Variants in DPYD observed in about 807,000 individuals in gnomAD.
DPYD encodes dihydropyrimidine dehydrogenase, also known as dihydropyrimidine dehydrogenase [NADP(+)].
In DPYD, 109 loss-of-function variants were observed where a neutral mutation model predicts 116.2. The ratio of observed to expected loss-of-function variants is 0.94; its 90% confidence interval spans 0.80 to 1.10. DPYD has a LOEUF of 1.10. Ranked by LOEUF, DPYD falls within the 50% of genes least tolerant of loss-of-function variation. The probability of loss-of-function intolerance (pLI) is 0.00; values close to 1 mark genes in which losing one functional copy is unlikely to be tolerated. For synonymous variants in DPYD, 440 were observed against 432.0 expected (o/e 1.02, Z -0.23); for missense variants, 1,302 against 1,254.5 (o/e 1.04, Z -0.57).
At chr1:97,322,174 T>C (rs1452194409) in intron 16 of DPYD, among the ~76,000 whole-genome samples, 1 of 147,348 alleles carries the variant, frequency 6.8e-6, no homozygotes, top group Non-Finnish European at 1.5e-5. Flanking sequence ...GCATGGCACA[T>C]GTATACATAT....
intron 21 of DPYD, among the ~76,000 whole-genome samples, chr1:97,086,599 T>A (rs1480136244): frequency 6.6e-6 from 1 of 152,204 alleles, no homozygotes; most frequent in African/African-American, 2.4e-5. Flanking sequence ...TTAGCATGTA[T>A]CATATCAGTT....
At chr1:97,599,177 T>G (rs1418935553) in intron 8 of DPYD, among the ~76,000 whole-genome samples, 1 of 152,236 alleles carries the variant, frequency 6.6e-6, no homozygotes, top group African/African-American at 2.4e-5. Context: ...CTTTCTGAAA[T>G]GTTTTCCTTC....
At chr1:97,882,034 T>C (rs551599119) in intron 2 of DPYD, among the ~76,000 whole-genome samples, 1 of 151,666 alleles carries the variant, frequency 6.6e-6, no homozygotes, top group African/African-American at 2.4e-5. Flanking sequence ...GAAAAAAAAC[T>C]ATAATAAAAA....
rs963056346 is a variant in DPYD at position 97,508,197 on chromosome 1, C to T, written c.1740+7529G>A. Among the ~76,000 whole-genome samples, 4 of 151,854 alleles carry T rather than the reference C, an allele frequency of 2.6e-5. No individual in the cohort carries two copies. In the South Asian group the frequency reaches 6.2e-4, roughly 24 times the overall value. ...TAAGTGCAGTGAAGAAAAAAACAAC[C>T]AATGTAATGTGGGATGGAGAGCCTG... On this transcript the variant is annotated intron_variant, in intron 13 of 22. Coordinates refer to ENST00000370192, the MANE Select transcript of DPYD (RefSeq NM_000110.4).
chr1:97,651,252 T>C (rs560093209), intron 8 of DPYD, among the ~76,000 whole-genome samples: 5 of 152,162 alleles, frequency 3.3e-5, no homozygotes, highest in Non-Finnish European at 7.4e-5. Flanking sequence ...TGAGGCGATT[T>C]TATGAACCAG....
chr1:97,371,815 T>C (rs1671325288), intron 16 of DPYD, among the ~76,000 whole-genome samples: 1 of 152,220 alleles, frequency 6.6e-6, no homozygotes, highest in African/African-American at 2.4e-5. Flanking sequence ...GTTTCAGTTG[T>C]AGAGATTATA....
chr1:97,820,211 C>T (rs1668851287), intron 3 of DPYD, among the ~76,000 whole-genome samples: 1 of 151,982 alleles, frequency 6.6e-6, no homozygotes, highest in Non-Finnish European at 1.5e-5. Flanking sequence ...GTAACACAAC[C>T]CTTAGGTCAG....
intron 3 of DPYD, among the ~76,000 whole-genome samples, chr1:97,798,499 AC>A (rs1187119910): frequency 6.6e-6 from 1 of 151,890 alleles, no homozygotes; most frequent in Non-Finnish European, 1.5e-5. Flanking sequence ...CTATTATTCT[AC>A]CCATTTTAAG....
rs112971064 is a variant in DPYD, at chr1:97,564,232, G to A, written c.1339+9528C>T. 9.5e-3 allele frequency among the ~76,000 whole-genome samples: 1,447 copies of A among 152,242 alleles called. 10 individuals are homozygous for A. Among genetic ancestry groups the A allele is most frequent in the Non-Finnish European group, 0.017 (1,144 of 68,016 alleles). ...TTAAAAAGCGAACAGGTGGTAGAGA[G>A]AGTACCATGGAATAAAACTGTCCCT... On this transcript the variant is annotated intron_variant, in intron 11 of 22. Transcript: ENST00000370192.
rs899395135 is a variant in DPYD at position 97,446,625 on chromosome 1, C to G, written c.1905+3434G>C. On this transcript the variant is annotated intron_variant, in intron 14 of 22. Coordinates refer to ENST00000370192, the MANE Select transcript of DPYD (RefSeq NM_000110.4). Reference sequence around the variant, plus strand: ...CCTTTTCTATCTTCACTACCTGATTCACTGCTGAAGCCCTACCTTCTGCTT... The same window carrying G: ...CCTTTTCTATCTTCACTACCTGATTGACTGCTGAAGCCCTACCTTCTGCTT... Among the ~76,000 whole-genome samples the G allele has an allele frequency of 2.6e-5, 4 of 152,158 alleles. No individual in the cohort carries two copies. The South Asian group carries it at 6.2e-4, about 24-fold the overall frequency.
intron 16 of DPYD, among the ~76,000 whole-genome samples, chr1:97,362,023 T>G (rs1670757223): frequency 6.6e-6 from 1 of 152,254 alleles, no homozygotes; most frequent in African/African-American, 2.4e-5. Context: ...TGTCCTTGTT[T>G]GCAGATGACA....
intron 13 of DPYD, among the ~76,000 whole-genome samples, chr1:97,460,139 CTTA>C (rs978468001): frequency 6.6e-6 from 1 of 151,918 alleles, no homozygotes; most frequent in African/African-American, 2.4e-5. Flanking sequence ...TGAAAACAAA[CTTA>C]TTAAGCAGAA....
chr1:97,759,148 T>C (rs1449361948), intron 3 of DPYD, among the ~76,000 whole-genome samples: 1 of 152,194 alleles, frequency 6.6e-6, no homozygotes. Flanking sequence ...TGTGTTTTGC[T>C]TACTTGCTGC....
chr1:97,512,834 T>C (rs1355189867), intron 13 of DPYD, among the ~76,000 whole-genome samples: 1 of 151,884 alleles, frequency 6.6e-6, no homozygotes, highest in African/African-American at 2.4e-5. Flanking sequence ...AAATATGACT[T>C]TACTATCTTT....
chr1:97,581,813 A>G (rs1653700456), intron 10 of DPYD, among the ~76,000 whole-genome samples: 1 of 152,032 alleles, frequency 6.6e-6, no homozygotes, highest in African/African-American at 2.4e-5. Context: ...ATCTTGAAAG[A>G]AAAGTAGGAA....
At chr1:97,397,547 C>A (rs779168160) in intron 14 of DPYD, among the ~76,000 whole-genome samples, 2 of 151,988 alleles carry the variant, frequency 1.3e-5, no homozygotes, top group Non-Finnish European at 2.9e-5. Flanking sequence ...AACCCTCCTG[C>A]CTATCACTGA....
At chr1:97,478,948 A>G (rs1451252647) in intron 13 of DPYD, among the ~76,000 whole-genome samples, 3 of 152,152 alleles carry the variant, frequency 2.0e-5, no homozygotes, top group Non-Finnish European at 2.9e-5. Flanking sequence ...GTTGGCTTCA[A>G]ACTTCTCTTC....
At chr1:97,290,871 A>G (rs987836766) in intron 18 of DPYD, among the ~76,000 whole-genome samples, 3 of 152,160 alleles carry the variant, frequency 2.0e-5, no homozygotes, top group African/African-American at 4.8e-5. Flanking sequence ...CTGCACAGCA[A>G]AAGAAACTAC....
chr1:97,577,010 G>T (rs1054912332), intron 10 of DPYD, among the ~76,000 whole-genome samples: 2 of 152,146 alleles, frequency 1.3e-5, no homozygotes, highest in Non-Finnish European at 2.9e-5. Context: ...ATATTTGTTT[G>T]GAAAGTATTA....
Sources: allele counts gnomAD v4.1 joint callset (sites outside exome capture counted in the v4.1 genomes callset), GRCh38; gene constraint gnomAD v4.1.1; transcripts MANE v1.5; gene names NCBI Gene and HGNC (gene_info 2026-07-23, HGNC 2026-07-21).